FRMD6: variants seen among roughly 807,000 people sequenced by gnomAD.
FRMD6 encodes FERM domain-containing protein 6.
In FRMD6, 37 loss-of-function variants were observed where a neutral mutation model predicts 73.2. The observed-to-expected ratio is 0.51, with a 90% CI of 0.39 to 0.66. The LOEUF is 0.66. Among genes scored for constraint, FRMD6 ranks in the 30% least tolerant of loss-of-function variants. The pLI, the probability that FRMD6 is intolerant of heterozygous loss-of-function variation, is 0.00. For synonymous variants in FRMD6, 273 were observed against 282.2 expected, an observed-to-expected ratio of 0.97 and a Z score of 0.33; for missense variants, 714 against 780.5, an observed-to-expected ratio of 0.91 and a Z score of 1.02.
intron 2 of FRMD6, among the ~76,000 whole-genome samples, chr14:51,579,718 A>G (rs778080340): frequency 3.3e-5 from 5 of 152,110 alleles, no homozygotes; most frequent in African/African-American, 4.8e-5. Context: ...CTGCTTTTCA[A>G]CTTGCCAGTG....
intron 2 of FRMD6, chr14:51,584,418 T>G (rs1888903793): frequency 6.6e-6 from 1 of 152,176 alleles, no homozygotes; most frequent in African/African-American, 2.4e-5. Context: ...TGATAGGATA[T>G]CAATAATAAA....
the FRMD6 span, among the ~76,000 whole-genome samples, chr14:51,401,889 G>A: frequency 0.61 from 93,324 of 152,014 alleles, 29,102 homozygotes; most frequent in East Asian, 0.79. Flanking sequence ...GAGAATAGAT[G>A]TTGGAAAACA....
chr14:51,528,477 C>T (rs992181601), intron 1 of FRMD6, among the ~76,000 whole-genome samples: 6 of 152,214 alleles, frequency 3.9e-5, no homozygotes, highest in East Asian at 1.9e-4. Flanking sequence ...TCTAATCTTC[C>T]GTATGTATAA....
the FRMD6 span, among the ~76,000 whole-genome samples, chr14:51,477,136 A>T: frequency 2.0e-5 from 3 of 152,242 alleles, no homozygotes; most frequent in African/African-American, 7.2e-5. Flanking sequence ...AATTAAAATT[A>T]CCAGACTCAC....
Position 51,631,208 on chromosome 14 carries a change from A to G in FRMD6, c.-146-58483A>G, listed in dbSNP as rs536471138. ...GGTAAGACGAATCTTTACTGATGTC[A>G]TTGCCACCCACCACCACCTGGTATC... On this transcript the variant is annotated intron_variant, in intron 2 of 14. Coordinates refer to the FRMD6 transcript ENST00000356218. Among the ~76,000 whole-genome samples, 5 of 152,298 alleles carry G rather than the reference A, an allele frequency of 3.3e-5. No individual in the cohort carries two copies. The East Asian group carries it at 9.6e-4, about 29-fold the overall frequency.
At chr14:51,653,392 T>G (rs1892574072) in intron 1 of FRMD6, among the ~76,000 whole-genome samples, 1 of 152,222 alleles carries the variant, frequency 6.6e-6, no homozygotes, top group South Asian at 2.1e-4. Flanking sequence ...GTCATTTCCT[T>G]TCTGTGATTT....
intron 2 of FRMD6, among the ~76,000 whole-genome samples, chr14:51,605,374 C>T (rs1467857755): frequency 6.6e-6 from 1 of 152,090 alleles, no homozygotes; most frequent in Non-Finnish European, 1.5e-5. Context: ...ATCTGTTTAA[C>T]AAAGCACTTT....
chr14:51,711,395 T>C (rs1594770775), intron 7 of FRMD6, 136 bp from the exon 8 acceptor site: 1 of 528,616 alleles, frequency 1.9e-6, no homozygotes, highest in Non-Finnish European at 3.3e-6. Context: ...GTGGAAAGGC[T>C]TGAGCAAAGT....
intron 1 of FRMD6, among the ~76,000 whole-genome samples, chr14:51,658,130 A>T (rs970724191): frequency 6.6e-6 from 1 of 152,172 alleles, no homozygotes; most frequent in African/African-American, 2.4e-5. Context: ...AAGTGAGTCC[A>T]TTGGGGGGCT....
Position 51,676,116 on chromosome 14 carries a change from T to C in FRMD6, c.-146-13575T>C, listed in dbSNP as rs140215747. ...CCCATGGGAGTTTTGGAATATAATT[T>C]AGGAAGAAAAATCCCATTAAGGAAA... On this transcript the variant is annotated intron_variant, in intron 1 of 13. Coordinates refer to ENST00000344768, the MANE Select transcript of FRMD6 (RefSeq NM_001267046.2). Among the ~76,000 whole-genome samples the C allele has an allele frequency of 2.7e-3, 408 of 152,216 alleles. 7 individuals carry two copies. Among genetic ancestry groups the C allele is most frequent in the Non-Finnish European group, 9.6e-4 (65 of 68,002 alleles).
intron 1 of FRMD6, among the ~76,000 whole-genome samples, chr14:51,566,959 C>A (rs1171694363): frequency 6.6e-6 from 1 of 152,128 alleles, no homozygotes; most frequent in Non-Finnish European, 1.5e-5. Flanking sequence ...TAATGCACAG[C>A]AGGCATTGAA....
intron 1 of FRMD6, among the ~76,000 whole-genome samples, chr14:51,663,994 A>G (rs562416596): frequency 6.6e-6 from 1 of 152,318 alleles, no homozygotes; most frequent in African/African-American, 2.4e-5. Flanking sequence ...CCCATCTCCC[A>G]ATGCTATTGC....
intron 2 of FRMD6, among the ~76,000 whole-genome samples, chr14:51,578,801 G>A (rs1312528044): frequency 6.6e-6 from 1 of 152,196 alleles, no homozygotes; most frequent in Non-Finnish European, 1.5e-5. Flanking sequence ...ACCAAAGCAG[G>A]GAGGTACATA....
At chr14:51,543,324 G>T (rs1004073205) in intron 1 of FRMD6, among the ~76,000 whole-genome samples, 2 of 151,832 alleles carry the variant, frequency 1.3e-5, no homozygotes, top group Non-Finnish European at 1.5e-5. Context: ...TCAATTAAAA[G>T]ATACTTTTTA....
intron 1 of FRMD6, among the ~76,000 whole-genome samples, chr14:51,563,026 T>C (rs1171691851): frequency 6.6e-6 from 1 of 152,226 alleles, no homozygotes; most frequent in Non-Finnish European, 1.5e-5. Context: ...CTGCCATGTC[T>C]GGCAGTTGAT....
chr14:51,465,666 A>G, the FRMD6 span, among the ~76,000 whole-genome samples: 3 of 152,324 alleles, frequency 2.0e-5, no homozygotes, highest in South Asian at 6.2e-4. Flanking sequence ...GTAGTATTCT[A>G]TTGCATGGAT....
chr14:51,709,299 C>G (rs545292563), intron 7 of FRMD6, among the ~76,000 whole-genome samples: 1 of 152,240 alleles, frequency 6.6e-6, no homozygotes, highest in East Asian at 1.9e-4. Context: ...CAGCAACATA[C>G]CTGCTTTTTA....
intron 2 of FRMD6, among the ~76,000 whole-genome samples, chr14:51,635,207 A>G (rs1334285595): frequency 1.3e-5 from 2 of 151,948 alleles, no homozygotes; most frequent in Non-Finnish European, 2.9e-5. Context: ...ACACAGTGAG[A>G]CTCCATCTTC....
chr14:51,544,471 T>C (rs17585412), intron 1 of FRMD6, among the ~76,000 whole-genome samples: 25,339 of 151,954 alleles, frequency 0.17, 2,289 homozygotes, highest in African/African-American at 0.19. Context: ...AATAGGGAAG[T>C]TTCTACTTTG....
Sources: allele counts gnomAD v4.1 joint callset (sites outside exome capture counted in the v4.1 genomes callset), GRCh38; gene constraint gnomAD v4.1.1; transcripts MANE v1.5; gene names NCBI Gene and HGNC (gene_info 2026-07-23, HGNC 2026-07-21).